SORCS3: variants seen among roughly 807,000 people sequenced by gnomAD.
SORCS3 encodes the protein sortilin related VPS10 domain containing receptor 3.
A neutral mutation model predicts 146.3 loss-of-function variants in SORCS3; 57 were observed. The ratio of observed to expected loss-of-function variants is 0.39; its 90% confidence interval spans 0.31 to 0.49. The LOEUF is 0.49. SORCS3 is among the 20% of genes least tolerant of loss of function. The pLI, the probability that SORCS3 is intolerant of heterozygous loss-of-function variation, is 0.92. For synonymous variants in SORCS3, 653 were observed against 618.5 expected, an observed-to-expected ratio of 1.06 and a Z score of -0.83; for missense variants, 1,341 against 1,575.5, an observed-to-expected ratio of 0.85 and a Z score of 2.52.
At chr10:105,152,236 T>C (rs533876700) in intron 9 of SORCS3, among the ~76,000 whole-genome samples, 12 of 152,318 alleles carry the variant, frequency 7.9e-5, no homozygotes, top group African/African-American at 2.9e-4. Flanking sequence ...CTGGCAATGC[T>C]TTAGACCAGC....
At chr10:105,005,265 G>T (rs1209374632) in intron 4 of SORCS3, among the ~76,000 whole-genome samples, 2 of 152,168 alleles carry the variant, frequency 1.3e-5, no homozygotes, top group African/African-American at 2.4e-5. Flanking sequence ...TTGCATTCAG[G>T]TAGCCAACAG....
intron 5 of SORCS3, among the ~76,000 whole-genome samples, chr10:105,072,452 T>C (rs936434316): frequency 6.6e-6 from 1 of 152,186 alleles, no homozygotes; most frequent in Non-Finnish European, 1.5e-5. Context: ...GTGTGACTTC[T>C]TGATCTTCCC....
intron 2 of SORCS3, among the ~76,000 whole-genome samples, chr10:104,891,693 G>C (rs555829205): frequency 6.6e-6 from 1 of 152,166 alleles, no homozygotes; most frequent in South Asian, 2.1e-4. Context: ...TTCACTCTCT[G>C]TTACTCCCTC....
intron 1 of SORCS3, among the ~76,000 whole-genome samples, chr10:104,667,238 A>G (rs141823724): frequency 2.0e-5 from 3 of 152,298 alleles, no homozygotes; most frequent in Non-Finnish European, 4.4e-5. Flanking sequence ...TCACATATGT[A>G]CTGACTTTCC....
intron 5 of SORCS3, among the ~76,000 whole-genome samples, chr10:105,054,835 C>G (rs1301060567): frequency 6.6e-6 from 1 of 152,094 alleles, no homozygotes; most frequent in Non-Finnish European, 1.5e-5. Context: ...TAAGTCTCCT[C>G]TCTGCAAAAT....
At chr10:105,192,060 T>C (rs377514525) in intron 14 of SORCS3, among the ~76,000 whole-genome samples, 1 of 141,648 alleles carries the variant, frequency 7.1e-6, no homozygotes, top group Non-Finnish European at 1.6e-5. Flanking sequence ...AAAACTTCAG[T>C]TTTTTATATT....
chr10:105,167,916 G>A (rs2056327505), intron 13 of SORCS3, among the ~76,000 whole-genome samples: 1 of 152,132 alleles, frequency 6.6e-6, no homozygotes, highest in Non-Finnish European at 1.5e-5. Context: ...TATGGACTCT[G>A]CTGAAAACCA....
intron 13 of SORCS3, among the ~76,000 whole-genome samples, chr10:105,176,183 A>G (rs1405799241): frequency 6.6e-6 from 1 of 152,162 alleles, no homozygotes; most frequent in African/African-American, 2.4e-5. Flanking sequence ...TATCAACTAT[A>G]TGCCAGGTTT....
chr10:104,950,699 G>A (rs1213503106), intron 3 of SORCS3, among the ~76,000 whole-genome samples: 1 of 152,110 alleles, frequency 6.6e-6, no homozygotes, highest in Non-Finnish European at 1.5e-5. Flanking sequence ...ACTCAGACCC[G>A]GGGAAATTCT....
At chr10:104,734,492 T>G (rs1650753487) in intron 1 of SORCS3, among the ~76,000 whole-genome samples, 1 of 152,260 alleles carries the variant, frequency 6.6e-6, no homozygotes, top group Admixed American at 6.5e-5. Context: ...AGACCAAGTA[T>G]CTGTTTCTCC....
intron 7 of SORCS3, among the ~76,000 whole-genome samples, chr10:105,110,287 G>A (rs927611875): frequency 1.3e-4 from 19 of 151,620 alleles, no homozygotes; most frequent in African/African-American, 4.6e-4. Flanking sequence ...TTCTCTTATA[G>A]AGGTGAGCTC....
rs148005807 is a variant in SORCS3, at chr10:104,843,543, G to A, written c.695+684G>A. On this transcript the variant is annotated intron_variant, in intron 2 of 26. Coordinates refer to ENST00000369701, the MANE Select transcript of SORCS3 (RefSeq NM_014978.3). ...TAAGACTATTGTGAGCCTAGCTGCT[G>A]TACCTCTTGTGCCTAGTGGATAAGT... Among the ~76,000 whole-genome samples, 57 of 152,282 alleles carry A rather than the reference G, an allele frequency of 3.7e-4. No homozygotes were observed. The East Asian group carries it at 7.7e-3, about 21-fold the overall frequency.
At chr10:105,207,272 TTTATTA>T (rs6144063) in intron 16 of SORCS3, among the ~76,000 whole-genome samples, 13 of 147,142 alleles carry the variant, frequency 8.8e-5, no homozygotes, top group Non-Finnish European at 1.3e-4. Context: ...CATGCAGAGG[TTTATTA>T]TTATTATTAT....
At chr10:104,934,270 C>T (rs2019237880) in intron 3 of SORCS3, among the ~76,000 whole-genome samples, 1 of 152,190 alleles carries the variant, frequency 6.6e-6, no homozygotes, top group Non-Finnish European at 1.5e-5. Flanking sequence ...CATGGAGAAT[C>T]TGATTCTACA....
In SORCS3 at chr10:104,822,207, G is replaced by A. The variant is rs151294643; in HGVS notation, c.628-20585G>A. Reference sequence around the variant, plus strand: ...CTGAGGCCTTAATTCCCAAGCACACGTTGTCTGTTTCTTATCATGGAGGGA... The same window carrying A: ...CTGAGGCCTTAATTCCCAAGCACACATTGTCTGTTTCTTATCATGGAGGGA... On this transcript the variant is annotated intron_variant, in intron 1 of 26. Coordinates refer to ENST00000369701, the MANE Select transcript of SORCS3 (RefSeq NM_014978.3). 2.3e-3 allele frequency: 1,010 copies of A among 433,316 alleles called. 7 individuals carry two copies. Among genetic ancestry groups the A allele is most frequent in the African/African-American group, 0.018 (895 of 49,588 alleles). 26.8% of individuals were successfully genotyped at this position (433,316 alleles called of 1,614,324 possible).
At chr10:104,935,724 T>C (rs2019253459) in intron 3 of SORCS3, among the ~76,000 whole-genome samples, 1 of 151,502 alleles carries the variant, frequency 6.6e-6, no homozygotes, top group Non-Finnish European at 1.5e-5. Context: ...TCAGTAGAGG[T>C]TTGCTGAGGA....
intron 3 of SORCS3, among the ~76,000 whole-genome samples, chr10:104,952,897 G>A (rs2019448153): frequency 6.6e-6 from 1 of 152,190 alleles, no homozygotes; most frequent in African/African-American, 2.4e-5. Flanking sequence ...ACTATATGTA[G>A]AACCTGAAAG....
At position 105,164,322 on chromosome 10, in the gene SORCS3, C is replaced by G. The variant is rs367686397; in HGVS notation, c.1752C>G (p.Leu584=). 6.2e-7 allele frequency: 1 copy of G among 1,613,640 alleles called. No individual in the cohort carries two copies. The highest frequency in any genetic ancestry group is 8.5e-7 in the Non-Finnish European group (1 of 1,179,680). ...TTTCAGGCAACATTGGCCCGGAGCTCTCATATACTGATATTGGTGTGTTCA... is the reference window on the plus strand; with the variant it reads ...TTTCAGGCAACATTGGCCCGGAGCTGTCATATACTGATATTGGTGTGTTCA... ...VVATGNIGPE[L]SYTDIGVFIS... The change falls in exon 12 of 27, where the codon CTC becomes CTG. Residue 584 remains leucine (L), a synonymous_variant. Coordinates refer to ENST00000369701, the MANE Select transcript of SORCS3 (RefSeq NM_014978.3).
chr10:104,964,101 G>T (rs1262385848), intron 3 of SORCS3, among the ~76,000 whole-genome samples: 1 of 152,028 alleles, frequency 6.6e-6, no homozygotes, highest in Non-Finnish European at 1.5e-5. Context: ...ATCCTCCAAT[G>T]CTCTATTCGA....
Sources: allele counts gnomAD v4.1 joint callset (sites outside exome capture counted in the v4.1 genomes callset), GRCh38; gene constraint gnomAD v4.1.1; transcripts MANE v1.5; gene names NCBI Gene and HGNC (gene_info 2026-07-23, HGNC 2026-07-21).